The following DGKZ variants were observed in gnomAD, a reference collection of about 807,000 sequenced individuals.
DGKZ encodes the protein DAG kinase zeta.
A neutral mutation model predicts 142.5 loss-of-function variants in DGKZ; 45 were observed. That is an observed-to-expected ratio of 0.32 (90% CI 0.25 to 0.40). The LOEUF (loss-of-function observed/expected upper bound fraction) is 0.40, where lower values mean the gene tolerates loss of function less well. Ranked by LOEUF, DGKZ falls within the 10% of genes least tolerant of loss-of-function variation. The pLI, the probability that DGKZ is intolerant of heterozygous loss-of-function variation, is 1.00. For missense variants in DGKZ, 755 were observed against 1,306.5 expected (o/e 0.58, Z 6.51); for synonymous variants, 442 against 527.0 (o/e 0.84, Z 2.21).
intron 1 of DGKZ, among the ~76,000 whole-genome samples, chr11:46,364,148 T>G (rs1942999948): frequency 6.6e-6 from 1 of 152,216 alleles, no homozygotes. Flanking sequence ...GGAAGGACCC[T>G]GCAACCCACC....
chr11:46,333,568 G>A, intron 1 of DGKZ: 1 of 1,309,922 alleles, frequency 7.6e-7, no homozygotes, highest in Non-Finnish European at 1.1e-6. Flanking sequence ...CGTTTATTGT[G>A]CGCCCGCCGC....
At chr11:46,354,176 G>A (rs1187880149) in intron 1 of DGKZ, among the ~76,000 whole-genome samples, 1 of 152,156 alleles carries the variant, frequency 6.6e-6, no homozygotes, top group Non-Finnish European at 1.5e-5. Context: ...GCTCTAGGGG[G>A]CTGGTCTCCC....
rs746472578 is a variant in DGKZ, at chr11:46,379,462, C to T, written c.2582C>T (p.Ser861Phe). Residue 861 changes from serine to phenylalanine, a missense_variant, in exon 30 of 31, where the codon TCC becomes TTC. This residue lies in a region of DGKZ where 100 missense variants were observed against 87.7 expected (regional missense o/e 1.14). Coordinates refer to ENST00000527911, the Ensembl canonical transcript of DGKZ. Reference sequence around the variant, plus strand: ...ATGGGGTACACAGCCAGCCCCTGCTCCCCCAGCGGGGAGACCTGTTTGCAC... The same window carrying T: ...ATGGGGTACACAGCCAGCCCCTGCTTCCCCAGCGGGGAGACCTGTTTGCAC... 6.2e-6 allele frequency: 10 copies of T among 1,606,954 alleles called. No individual in the cohort carries two copies. In the African/African-American group the frequency reaches 1.2e-4, roughly 19 times the overall value.
Position 46,347,667 on chromosome 11 carries a change from C to A in DGKZ, c.8C>A (p.Pro3Gln), listed in dbSNP as rs777236402. The change falls in exon 1 of 31, where the codon CCG becomes CAG. Residue 3 changes from proline (P) to glutamine (Q), a missense_variant. By Grantham distance (76) the Pro-to-Gln change is moderately conservative (BLOSUM62 -1). Transcript: ENST00000527911. This position sits in a 1 kb window ranked among gnomAD's most constrained non-coding sequence, Gnocchi z 6.4. Reference sequence around the variant, plus strand: ...GGCCGGGGCTAGGGCCGGATGGAGCCGCGGGACGGTAGCCCCGAGGCCCGG... The same window carrying A: ...GGCCGGGGCTAGGGCCGGATGGAGCAGCGGGACGGTAGCCCCGAGGCCCGG... The A allele has an allele frequency of 6.7e-5, 96 of 1,428,788 alleles. No individual in the cohort carries two copies. The South Asian group carries it at 1.3e-3, about 19-fold the overall frequency. The allele number at this position is 1,428,788 out of a possible 1,614,324, so 88.5% of individuals were successfully genotyped here.
At chr11:46,379,469 C>G in exon 30 of DGKZ, 4 of 1,608,410 alleles carry the variant, frequency 2.5e-6, no homozygotes, top group Non-Finnish European at 3.4e-6. Context: ...GCTCCCCCAG[C>G]GGGGAGACCT....
chr11:46,345,271 GGC>G (rs1940499976), upstream of DGKZ: 1 of 1,359,090 alleles, frequency 7.4e-7, no homozygotes, highest in African/African-American at 1.5e-5. This position sits in a 1 kb window ranked among gnomAD's most constrained non-coding sequence, Gnocchi z 4.1. Flanking sequence ...CACGGCAGCT[GGC>G]CCCAGCCAGC....
chr11:46,365,036 A>G, intron 1 of DGKZ: 1 of 985,282 alleles, frequency 1.0e-6, no homozygotes, highest in Non-Finnish European at 1.2e-6. Flanking sequence ...CCCTTCCCCC[A>G]CTGTTAGGAG....
chr11:46,371,836 G>T, intron 9 of DGKZ, 61 bp downstream of exon 9: 1 of 1,558,236 alleles, frequency 6.4e-7, no homozygotes, highest in Non-Finnish European at 8.7e-7. Flanking sequence ...GTTGCTCAGG[G>T]TACAGAACTT....
At chr11:46,376,022 G>A (rs201451645) in intron 21 of DGKZ, 44 bp from the exon 22 acceptor site, 224 of 1,612,010 alleles carry the variant, frequency 1.4e-4, no homozygotes, top group Admixed American at 7.0e-4. Context: ...CTTGGGCAGG[G>A]CTGTGGGGTG....
exon 25 of DGKZ, chr11:46,377,162 C>A: frequency 1.2e-6 from 2 of 1,610,832 alleles, no homozygotes; most frequent in Non-Finnish European, 8.5e-7. Flanking sequence ...GGCCTGACCT[C>A]CCAACCCCCA....
At position 46,372,313 on chromosome 11, in the gene DGKZ, C is replaced by T; in HGVS notation, c.928-115C>T. ...GGATCCTGAGAAAATCCTGTCCTTT[C>T]TCCACCCCTCACCCCTTATTGGCCC... On this transcript the variant is annotated intron_variant, in intron 10 of 30. Coordinates refer to ENST00000527911, the Ensembl canonical transcript of DGKZ. The surrounding 1 kb of genome is among the most constrained non-coding windows in gnomAD (Gnocchi z 5.9). 2 of 1,358,660 alleles carry T rather than the reference C, an allele frequency of 1.5e-6. No homozygotes were observed. Among genetic ancestry groups the T allele is most frequent in the South Asian group, 1.3e-5 (1 of 78,262 alleles). 84.2% of individuals were successfully genotyped at this position (1,358,660 alleles called of 1,614,324 possible).
rs552580230 is a variant in DGKZ at position 46,372,691 on chromosome 11, A to G, written c.1071+14A>G. The G allele has an allele frequency of 1.4e-5, 22 of 1,612,918 alleles. No individual in the cohort carries two copies. In the Admixed American group the frequency reaches 1.5e-4, roughly 11 times the overall value. On this transcript the variant is annotated intron_variant, in intron 12 of 30. Coordinates refer to ENST00000527911, the Ensembl canonical transcript of DGKZ. This position sits in a 1 kb window ranked among gnomAD's most constrained non-coding sequence, Gnocchi z 5.9. ...GGCGACGGCACGGTGAGCTCCCCGC[A>G]TGGGCCAGCCGAGCACCAGGGCTGG...
intron 1 of DGKZ, among the ~76,000 whole-genome samples, chr11:46,334,563 G>T (rs1018779642): frequency 6.6e-6 from 1 of 152,186 alleles, no homozygotes; most frequent in Non-Finnish European, 1.5e-5. Flanking sequence ...GGCCATCAGG[G>T]CTCCATCACT....
In DGKZ at chr11:46,356,400, G is replaced by A. The variant is rs144965513; in HGVS notation, c.161+8580G>A. ...CCATGAGGCTGAGTCCAGACCATGC[G>A]CTGTTCCCTCCACTCACTCTTCAAA... On this transcript the variant is annotated intron_variant, in intron 1 of 30. Transcript: ENST00000527911. Among the ~76,000 whole-genome samples, 9 of 152,242 alleles carry A rather than the reference G, an allele frequency of 5.9e-5. No individual in the cohort carries two copies. The East Asian group carries it at 1.5e-3, about 26-fold the overall frequency.
At chr11:46,348,063 G>A (rs1465518808) in intron 1 of DGKZ, among the ~76,000 whole-genome samples, 1 of 152,170 alleles carries the variant, frequency 6.6e-6, no homozygotes, top group Non-Finnish European at 1.5e-5. Flanking sequence ...GTCATTCCCT[G>A]GCACCGGCAG....
chr11:46,375,664 C>T, intron 20 of DGKZ, 33 bp downstream of exon 20: 1 of 1,532,778 alleles, frequency 6.5e-7, no homozygotes, highest in Non-Finnish European at 8.8e-7. Flanking sequence ...CCCTGGGTGC[C>T]AAGGCCAGAC....
rs548121258 is a variant in DGKZ at position 46,367,550 on chromosome 11, C to T, written c.271-102C>T. The T allele has an allele frequency of 1.6e-5, 14 of 879,496 alleles. No homozygotes were observed. Among genetic ancestry groups the T allele is most frequent in the African/African-American group, 2.8e-5 (1 of 35,436 alleles). 54.5% of individuals were successfully genotyped at this position (879,496 alleles called of 1,614,324 possible). On this transcript the variant is annotated intron_variant, in intron 2 of 30. Coordinates refer to ENST00000527911, the Ensembl canonical transcript of DGKZ. The surrounding 1 kb of genome is among the most constrained non-coding windows in gnomAD (Gnocchi z 4.1). The stretch of plus-strand genomic sequence containing the variant: ...CGGAACAGAGCAGGGTCGATCGGGG[C>T]GCTGGAGTGGGTTTGTCTTGGGAGA...
Position 46,347,916 on chromosome 11 carries a change from T to G in DGKZ, c.161+96T>G. On this transcript the variant is annotated intron_variant, in intron 1 of 30. Coordinates refer to ENST00000527911, the Ensembl canonical transcript of DGKZ. This position sits in a 1 kb window ranked among gnomAD's most constrained non-coding sequence, Gnocchi z 6.4. ...CTCGGCCACTGGGGGTCCGGGCCAC[T>G]TCGGTACTGACACTGAGTCGGGGAG... 8.0e-7 allele frequency: 1 copy of G among 1,254,794 alleles called. No individual in the cohort carries two copies. 77.7% of individuals were successfully genotyped at this position (1,254,794 alleles called of 1,614,324 possible).
At chr11:46,340,095 A>C (rs986705324) in intron 1 of DGKZ, among the ~76,000 whole-genome samples, 1 of 152,228 alleles carries the variant, frequency 6.6e-6, no homozygotes, top group Admixed American at 6.5e-5. Flanking sequence ...CAATGTGTTG[A>C]GATCACAGAG....
Sources: gnomAD v4.1 joint callset for allele counts (sites outside exome capture counted in the v4.1 genomes callset) on GRCh38, gnomAD v4.1.1 for gene constraint, gnomAD v4.1.1 regional missense constraint, Gnocchi (gnomAD v3.1) non-coding constraint, MANE v1.5 for transcripts, NCBI Gene and HGNC (gene_info 2026-07-23, HGNC 2026-07-21) for gene names.